The following GPRC5D variants were observed in gnomAD, a reference collection of about 807,000 sequenced individuals.
GPRC5D encodes G protein-coupled receptor family C group 5 member D.
A neutral mutation model predicts 29.3 loss-of-function variants in GPRC5D; 20 were observed. The ratio of observed to expected loss-of-function variants is 0.68; its 90% confidence interval spans 0.48 to 0.99. The LOEUF (loss-of-function observed/expected upper bound fraction) is 0.99. Ranked by LOEUF, GPRC5D falls within the 50% of genes least tolerant of loss-of-function variation. The pLI, the probability that GPRC5D is intolerant of heterozygous loss-of-function variation, is 0.00. For missense variants in GPRC5D, 384 were observed against 423.6 expected, an observed-to-expected ratio of 0.91 and a Z score of 0.82; for synonymous variants, 178 against 171.3, an observed-to-expected ratio of 1.04 and a Z score of -0.30.
chr12:12,942,433 C>G (rs1863177276), intron 1 of GPRC5D, 105 bp from the exon 3 acceptor site: 1 of 752,882 alleles, frequency 1.3e-6, no homozygotes, highest in South Asian at 1.6e-5. Flanking sequence ...AGGCTCTTCA[C>G]TCTTTAAAAG....
At chr12:12,949,414 C>A in intron 1 of GPRC5D, 76 bp downstream of exon 2, 1 of 1,273,168 alleles carries the variant, frequency 7.9e-7, no homozygotes, top group South Asian at 1.4e-5. Context: ...CCTCTTGGCT[C>A]ATCCTACTGC....
exon 1 of GPRC5D, chr12:12,950,033 C>T: frequency 6.2e-7 from 1 of 1,614,088 alleles, no homozygotes. Flanking sequence ...CAACCCCGAA[C>T]CAGCTTCACT....
In GPRC5D at chr12:12,949,804, C is replaced by T. The variant is rs151110753; in HGVS notation, c.581G>A (p.Gly194Asp). The change falls in exon 1 of 3, where the codon GGC becomes GAC. Residue 194 changes from glycine (G) to aspartate (D), a missense_variant. Coordinates refer to ENST00000228887, the Ensembl canonical transcript of GPRC5D. ...ATGCTGCTTCCAGTTCTCACACGGG[C>T]CACAGAAGGTGGCTTTGGAGACGAA... The T allele has an allele frequency of 5.7e-4, 927 of 1,613,988 alleles. 2 individuals carry two copies. Among genetic ancestry groups the T allele is most frequent in the Non-Finnish European group, 7.0e-4 (827 of 1,179,996 alleles).
At chr12:12,947,302 GTTA>G (rs1411392519) in intron 1 of GPRC5D, 5 of 152,142 alleles carry the variant, frequency 3.3e-5, no homozygotes, top group Non-Finnish European at 7.4e-5. Flanking sequence ...TCAAGTTATT[GTTA>G]TTATACTTCT....
exon 1 of GPRC5D, chr12:12,950,149 G>A: frequency 6.2e-7 from 1 of 1,614,072 alleles, no homozygotes; most frequent in East Asian, 2.2e-5. Context: ...GATGATGAAG[G>A]CAAAAGCGAG....
In GPRC5D at chr12:12,949,809, G is replaced by C. The variant is rs141065600; in HGVS notation, c.576C>G (p.Phe192Leu). 48 of 1,614,030 alleles carry C rather than the reference G, an allele frequency of 3.0e-5. No individual in the cohort carries two copies. The Admixed American group carries it at 3.8e-4, about 13-fold the overall frequency. ...GCTTCCAGTTCTCACACGGGCCACA[G>C]AAGGTGGCTTTGGAGACGAAGAATG... Residue 192 changes from phenylalanine to leucine, a missense_variant, in exon 1 of 3, where the codon TTC becomes TTG. Physicochemically the swap from Phe to Leu is conservative, Grantham distance 22. Transcript: ENST00000228887.
At chr12:12,940,766 C>G (rs377760797), downstream of GPRC5D, 2 of 1,565,666 alleles carry the variant, frequency 1.3e-6, no homozygotes, top group Admixed American at 1.7e-5. Context: ...ACTTGTGTTT[C>G]CTGTAGATTT....
At chr12:12,946,285 TTCCTTTCTTCCTTCCTTCCTTCCTTTTC>T (rs201582381) in intron 1 of GPRC5D, among the ~76,000 whole-genome samples, 3,245 of 101,078 alleles carry the variant, frequency 0.032, 50 homozygotes, top group Middle Eastern at 0.054. Flanking sequence ...CCTTCCTTCC[TTCCTTTCTTCCTTCCTTCCTTCCTTTTC>T]TTTCTTTCTT....
upstream of GPRC5D, among the ~76,000 whole-genome samples, chr12:12,951,166 G>T (rs914864068): frequency 6.6e-6 from 1 of 152,058 alleles, no homozygotes; most frequent in African/African-American, 2.4e-5. Flanking sequence ...GTCAAGAACC[G>T]CAACTGCTTT....
chr12:12,943,095 C>T (rs115348915), intron 1 of GPRC5D, among the ~76,000 whole-genome samples: 103 of 152,284 alleles, frequency 6.8e-4, no homozygotes, highest in African/African-American at 2.4e-3. Flanking sequence ...CCATGTCTCA[C>T]CTGAATTCAA....
chr12:12,942,008 G>T (rs1863162116), intron 2 of GPRC5D, among the ~76,000 whole-genome samples: 1 of 152,138 alleles, frequency 6.6e-6, no homozygotes, highest in African/African-American at 2.4e-5. Flanking sequence ...TTCTTTCCAG[G>T]GACACGCACT....
At chr12:12,941,428 G>C (rs1305733973) in intron 2 of GPRC5D, among the ~76,000 whole-genome samples, 1 of 152,178 alleles carries the variant, frequency 6.6e-6, no homozygotes, top group Non-Finnish European at 1.5e-5. Flanking sequence ...TTATGTAAAT[G>C]CCCTCCTGAG....
upstream of GPRC5D, chr12:12,950,487 G>A: frequency 1.3e-6 from 1 of 798,686 alleles, no homozygotes; most frequent in South Asian, 1.7e-5. Flanking sequence ...TGGTGCAAAA[G>A]TAATTGTGCT....
chr12:12,949,057 T>G (rs1024034263), intron 1 of GPRC5D, among the ~76,000 whole-genome samples: 5 of 152,196 alleles, frequency 3.3e-5, no homozygotes, highest in Non-Finnish European at 7.3e-5. Context: ...TGAGACAAAT[T>G]TTTAAAATGT....
At chr12:12,949,632 C>G in exon 1 of GPRC5D, 1 of 1,614,172 alleles carries the variant, frequency 6.2e-7, no homozygotes, top group African/African-American at 1.3e-5. Flanking sequence ...GCAGGAAAAC[C>G]CATGCGTTGG....
chr12:12,948,426 G>C (rs550088685), intron 1 of GPRC5D: 1 of 154,376 alleles, frequency 6.5e-6, no homozygotes, highest in South Asian at 2.0e-4. Flanking sequence ...ATTTGAATGC[G>C]CAACTAGCCA....
intron 2 of GPRC5D, 70 bp downstream of exon 3, chr12:12,942,191 G>C: frequency 8.3e-6 from 8 of 966,868 alleles, no homozygotes; most frequent in Non-Finnish European, 1.2e-5. Context: ...TAGAAATGAA[G>C]CCTGAGGCTG....
chr12:12,940,630 T>A (rs551148351), downstream of GPRC5D: 39 of 538,222 alleles, frequency 7.2e-5, no homozygotes, highest in South Asian at 9.5e-4. Context: ...TGGTGGAGGG[T>A]CCTGGTGGAT....
chr12:12,943,476 T>C (rs1022627510), intron 1 of GPRC5D, among the ~76,000 whole-genome samples: 1 of 152,160 alleles, frequency 6.6e-6, no homozygotes, highest in Non-Finnish European at 1.5e-5. Context: ...TAACAGTAAG[T>C]CTATCTCATA....
Sources: allele counts gnomAD v4.1 joint callset (sites outside exome capture counted in the v4.1 genomes callset), GRCh38; gene constraint gnomAD v4.1.1; transcripts MANE v1.5; gene names NCBI Gene and HGNC (gene_info 2026-07-23, HGNC 2026-07-21).